Variants in SLC24A2 observed in about 807,000 individuals in gnomAD.
SLC24A2 encodes sodium/potassium/calcium exchanger 2.
A neutral mutation model predicts 62.0 loss-of-function variants in SLC24A2; 36 were observed. The observed-to-expected ratio is 0.58, with a 90% CI of 0.44 to 0.77. The LOEUF (loss-of-function observed/expected upper bound fraction) is 0.77, where lower values mean the gene tolerates loss of function less well. SLC24A2 is among the 30% of genes least tolerant of loss of function. The pLI, the probability that SLC24A2 is intolerant of heterozygous loss-of-function variation, is 0.00. For synonymous variants in SLC24A2, 358 were observed against 294.0 expected, an observed-to-expected ratio of 1.22 and a Z score of -2.23; for missense variants, 846 against 817.9, an observed-to-expected ratio of 1.03 and a Z score of -0.42.
the SLC24A2 span, among the ~76,000 whole-genome samples, chr9:19,985,406 A>G: frequency 6.6e-6 from 1 of 152,204 alleles, no homozygotes; most frequent in Non-Finnish European, 1.5e-5. Flanking sequence ...ATTCGGAAAT[A>G]AAAAGAAATG....
chr9:20,252,996 C>G, the SLC24A2 span, among the ~76,000 whole-genome samples: 1 of 152,200 alleles, frequency 6.6e-6, no homozygotes, highest in Admixed American at 6.5e-5. Flanking sequence ...TAAAGAAAGA[C>G]TCCAGGCTCT....
Position 19,755,087 on chromosome 9 carries a change from T to A in SLC24A2, c.930+30850A>T, listed in dbSNP as rs1277091298. ...CAAGAGAGCACAGCAGTTAAGAACA[T>A]AAGCTCTGAGCTCAGATGGCCTGGG... On this transcript the variant is annotated intron_variant, in intron 2 of 10. Coordinates refer to ENST00000341998, the MANE Select transcript of SLC24A2 (RefSeq NM_020344.4). Among the ~76,000 whole-genome samples the A allele has an allele frequency of 3.3e-5, 5 of 152,258 alleles. No homozygotes were observed. The East Asian group carries it at 9.7e-4, about 29-fold the overall frequency.
At chr9:20,114,970 G>A in the SLC24A2 span, among the ~76,000 whole-genome samples, 3 of 152,240 alleles carry the variant, frequency 2.0e-5, no homozygotes, top group Admixed American at 6.5e-5. Flanking sequence ...CACAAAGTAT[G>A]AAACTCAAAG....
chr9:20,073,940 ATG>A, the SLC24A2 span, among the ~76,000 whole-genome samples: 1 of 142,196 alleles, frequency 7.0e-6, no homozygotes, highest in Non-Finnish European at 1.5e-5. Context: ...ATATATATAT[ATG>A]TATGTATATA....
the SLC24A2 span, among the ~76,000 whole-genome samples, chr9:20,275,607 G>A: frequency 2.0e-5 from 3 of 152,182 alleles, no homozygotes; most frequent in South Asian, 2.1e-4. Flanking sequence ...GGGCAAGTTT[G>A]TAGACAATCT....
the SLC24A2 span, among the ~76,000 whole-genome samples, chr9:19,907,410 C>A: frequency 6.6e-6 from 1 of 152,168 alleles, no homozygotes; most frequent in African/African-American, 2.4e-5. Context: ...CCTTTGAAAA[C>A]TGGCACAAGA....
In SLC24A2 at chr9:19,573,485, A is replaced by AACACACACACAC. The variant is rs59489637; in HGVS notation, c.1229-28_1229-17dup. 578 of 819,204 alleles carry AACACACACACAC rather than the reference A, an allele frequency of 7.1e-4. 2 individuals carry two copies. Among genetic ancestry groups the AACACACACACAC allele is most frequent in the African/African-American group, 4.7e-3 (252 of 53,572 alleles). 50.7% of individuals were successfully genotyped at this position (819,204 alleles called of 1,614,324 possible). On this transcript the variant is annotated splice_polypyrimidine_tract_variant and intron_variant, in intron 6 of 10. Transcript: ENST00000341998. The stretch of plus-strand genomic sequence containing the variant: ...TCAATTTTTTCTGTGATATAATTTA[A>AACACACACACAC]ACACACACACACACACACACACACA...
intron 8 of SLC24A2, among the ~76,000 whole-genome samples, chr9:19,531,363 G>A (rs1014044134): frequency 9.2e-5 from 14 of 152,170 alleles, no homozygotes; most frequent in Admixed American, 8.5e-4. Context: ...AGCTCTTGGA[G>A]CCAAGGTCTA....
At position 19,511,066 on chromosome 9, in the gene SLC24A2, G is replaced by GCAAA. The variant is rs1347085513; in HGVS notation, c.*5083_*5086dup. The GCAAA allele has an allele frequency of 2.0e-5, 3 of 152,282 alleles. No individual in the cohort carries two copies. Among genetic ancestry groups the GCAAA allele is most frequent in the East Asian group, 3.9e-4 (2 of 5,186 alleles). 9.4% of individuals were successfully genotyped at this position (152,282 alleles called of 1,614,324 possible). A position where few individuals can be genotyped will look rare whatever the true frequency, so the allele number is the denominator to read the frequency against. On this transcript the variant is annotated 3_prime_UTR_variant, in exon 11 of 11. Transcript: ENST00000341998. ...TTGTGGAAAACAGATTCCTTCCAGA[G>GCAAA]CAAACATGAGTGTGCCTGTGATTTC...
chr9:19,555,663 A>G (rs1586950806), intron 7 of SLC24A2, among the ~76,000 whole-genome samples: 2 of 152,286 alleles, frequency 1.3e-5, no homozygotes, highest in East Asian at 3.9e-4. Flanking sequence ...AAGACTTGAG[A>G]GTTGGGCTTG....
intron 8 of SLC24A2, among the ~76,000 whole-genome samples, chr9:19,533,299 CCT>C (rs1833794546): frequency 1.3e-5 from 2 of 152,126 alleles, no homozygotes; most frequent in East Asian, 3.8e-4. Context: ...TAATTTTTCC[CCT>C]CTCTTTCCTC....
At chr9:19,523,410 G>A (rs1032621155) in intron 9 of SLC24A2, among the ~76,000 whole-genome samples, 4 of 152,110 alleles carry the variant, frequency 2.6e-5, no homozygotes, top group Admixed American at 2.6e-4. Flanking sequence ...AAATCATACA[G>A]CACAGTGTCA....
intron 4 of SLC24A2, among the ~76,000 whole-genome samples, chr9:19,618,693 G>A (rs142967259): frequency 1.8e-3 from 271 of 152,130 alleles, no homozygotes; most frequent in East Asian, 9.7e-3. Flanking sequence ...AACATGATTC[G>A]ACAATCAGAT....
At chr9:20,184,706 A>C in the SLC24A2 span, among the ~76,000 whole-genome samples, 2 of 152,204 alleles carry the variant, frequency 1.3e-5, no homozygotes, top group African/African-American at 2.4e-5. Flanking sequence ...TCCTCAAAAA[A>C]TCAAAAATAG....
intron 2 of SLC24A2, among the ~76,000 whole-genome samples, chr9:19,730,444 T>C (rs1742798): frequency 0.87 from 131,948 of 152,038 alleles, 57,546 homozygotes; most frequent in East Asian, 1. Context: ...ATGTTCAATG[T>C]TATATTTTTG....
chr9:19,917,307 T>C, the SLC24A2 span, among the ~76,000 whole-genome samples: 1 of 150,788 alleles, frequency 6.6e-6, no homozygotes, highest in East Asian at 1.9e-4. Flanking sequence ...GTTATGGTCT[T>C]AAAGTTTATA....
At chr9:20,080,427 T>C in the SLC24A2 span, among the ~76,000 whole-genome samples, 1 of 152,150 alleles carries the variant, frequency 6.6e-6, no homozygotes, top group Non-Finnish European at 1.5e-5. Context: ...TAGCCATATG[T>C]AGAAAGCTGA....
At chr9:19,735,729 A>G (rs1821488177) in intron 2 of SLC24A2, among the ~76,000 whole-genome samples, 1 of 152,108 alleles carries the variant, frequency 6.6e-6, no homozygotes, top group Non-Finnish European at 1.5e-5. Flanking sequence ...GAAGCTGGAA[A>G]CCATCATTCT....
Position 19,535,309 on chromosome 9 carries a change from TCACTC to T in SLC24A2, c.1480-7176_1480-7172del, listed in dbSNP as rs907808147. 2.8e-4 allele frequency among the ~76,000 whole-genome samples: 43 copies of T among 152,234 alleles called. 1 individual carries two copies. The highest frequency in any genetic ancestry group is 9.2e-4 in the Admixed American group (14 of 15,286). ...TTCTCCCATTCTGTAGGTTGCCTAT[TCACTC>T]TAATGGTAGTTCCTTTTGCTGTGCA... On this transcript the variant is annotated intron_variant, in intron 8 of 10. Transcript: ENST00000341998.
Sources: gnomAD v4.1 joint callset for allele counts (sites outside exome capture counted in the v4.1 genomes callset) on GRCh38, gnomAD v4.1.1 for gene constraint, MANE v1.5 for transcripts, NCBI Gene and HGNC (gene_info 2026-07-23, HGNC 2026-07-21) for gene names.